The following CEP112 variants were observed in gnomAD, a reference collection of about 807,000 sequenced individuals.
The protein encoded by CEP112 is centrosomal protein 112.
CEP112 carries 127 observed loss-of-function variants against 153.0 expected under a neutral mutation model. The observed-to-expected ratio is 0.83, with a 90% CI of 0.72 to 0.96. The LOEUF is 0.96. Ranked by LOEUF, CEP112 falls within the 40% of genes least tolerant of loss-of-function variation. The pLI, the probability that CEP112 is intolerant of heterozygous loss-of-function variation, is 0.00. For synonymous variants in CEP112, 358 were observed against 374.4 expected, an observed-to-expected ratio of 0.96 and a Z score of 0.51; for missense variants, 1,089 against 1,101.2, an observed-to-expected ratio of 0.99 and a Z score of 0.16.
intron 20 of CEP112, among the ~76,000 whole-genome samples, chr17:65,859,813 C>A (rs995441029): frequency 2.0e-5 from 3 of 148,482 alleles, no homozygotes; most frequent in Non-Finnish European, 4.5e-5. Context: ...TTGAGACTAG[C>A]CTGGTCAACA....
chr17:66,071,497 T>A (rs2146093053), intron 8 of CEP112, among the ~76,000 whole-genome samples: 1 of 152,202 alleles, frequency 6.6e-6, no homozygotes. Context: ...TAACACCTTC[T>A]AGAGAACTTG....
intron 16 of CEP112, among the ~76,000 whole-genome samples, chr17:66,025,883 G>A (rs1489854140): frequency 7.0e-6 from 1 of 142,784 alleles, no homozygotes; most frequent in Non-Finnish European, 1.5e-5. Context: ...CAACTTAAGT[G>A]CCCATAAATG....
intron 8 of CEP112, among the ~76,000 whole-genome samples, chr17:66,087,844 A>G (rs1005454208): frequency 1.3e-5 from 2 of 152,084 alleles, no homozygotes; most frequent in Non-Finnish European, 2.9e-5. Context: ...GAGGGAAGAA[A>G]GGTGAGCACT....
At position 66,175,051 on chromosome 17, in the gene CEP112, C is replaced by A; in HGVS notation, c.463G>T (p.Val155Phe). 1 of 1,598,370 alleles carries A rather than the reference C, an allele frequency of 6.3e-7. No homozygotes were observed. Among genetic ancestry groups the A allele is most frequent in the Non-Finnish European group, 8.5e-7 (1 of 1,172,434 alleles). The change falls in exon 4 of 27, where the codon GTC (valine) becomes TTC (phenylalanine). Residue 155 changes from valine to phenylalanine, a missense_variant. Val to Phe is a conservative substitution (Grantham distance 50, BLOSUM62 -1). Transcript: ENST00000535342. Reference protein sequence around the residue: ...DNTLVQSPTDVYSREQYTGKL... With the variant: ...DNTLVQSPTDFYSREQYTGKL... ...CCCATTCTCTTTACATACCTGTAGA[C>A]ATCAGTTGGCGACTGTACTAAAGTG...
chr17:65,907,268 A>C (rs74004954), intron 19 of CEP112, among the ~76,000 whole-genome samples: 1,778 of 152,282 alleles, frequency 0.012, 36 homozygotes, highest in African/African-American at 0.04. Flanking sequence ...CTCATCAATG[A>C]TCATGCCCAT....
chr17:65,853,719 C>G (rs1197133271), intron 20 of CEP112, among the ~76,000 whole-genome samples: 2 of 122,886 alleles, frequency 1.6e-5, no homozygotes, highest in Non-Finnish European at 3.4e-5. Context: ...CAGAGCGAGA[C>G]TCCATCTAAA....
chr17:66,020,748 C>A (rs2064969206), intron 16 of CEP112, among the ~76,000 whole-genome samples: 1 of 152,190 alleles, frequency 6.6e-6, no homozygotes. Flanking sequence ...TTTAACTACT[C>A]TTTTACTTTC....
intron 16 of CEP112, among the ~76,000 whole-genome samples, chr17:66,027,207 T>G (rs2065250069): frequency 6.6e-6 from 1 of 152,034 alleles, no homozygotes; most frequent in African/African-American, 2.4e-5. Context: ...TGAAACTCCC[T>G]CTCCACTAAA....
At chr17:65,670,856 A>G (rs1402203828) in intron 24 of CEP112, among the ~76,000 whole-genome samples, 1 of 114,874 alleles carries the variant, frequency 8.7e-6, no homozygotes, top group Non-Finnish European at 1.6e-5. Flanking sequence ...CTGATCATGC[A>G]GTTGAATGCC....
chr17:66,132,560 T>C (rs2070236764), intron 5 of CEP112, 110 bp downstream of exon 5: 1 of 781,546 alleles, frequency 1.3e-6, no homozygotes, highest in Non-Finnish European at 2.2e-6. Context: ...TCATCCAACT[T>C]TATTCTGTTT....
rs1447369195 is a variant in CEP112 at position 65,954,418 on chromosome 17, G to GA, written c.1872+7044dup. 5.3e-5 allele frequency among the ~76,000 whole-genome samples: 8 copies of GA among 151,720 alleles called. No individual in the cohort carries two copies. In the East Asian group the frequency reaches 1.6e-3, roughly 29 times the overall value. On this transcript the variant is annotated intron_variant, in intron 18 of 26. Coordinates refer to ENST00000535342, the MANE Select transcript of CEP112 (RefSeq NM_001199165.4). ...AGTCTACCCAAATAAGAAGGAACCAGAAAAAAAATTCTGGTAATATGACAA... is the reference window on the plus strand; with the variant it reads ...AGTCTACCCAAATAAGAAGGAACCAGAAAAAAAAATTCTGGTAATATGACAA...
intron 21 of CEP112, among the ~76,000 whole-genome samples, chr17:65,768,381 G>A (rs1384282266): frequency 1.2e-4 from 18 of 152,014 alleles, no homozygotes; most frequent in Admixed American, 1.2e-3. Flanking sequence ...GGTGGCAGAG[G>A]CAGAAGAAAA....
intron 21 of CEP112, among the ~76,000 whole-genome samples, chr17:65,810,309 C>T (rs1430228509): frequency 6.6e-6 from 1 of 151,996 alleles, no homozygotes; most frequent in Non-Finnish European, 1.5e-5. Context: ...TCCCCACACA[C>T]ATTTCCTAGC....
At chr17:65,998,382 C>CAAAAAA (rs34117654) in intron 17 of CEP112, among the ~76,000 whole-genome samples, 2 of 70,020 alleles carry the variant, frequency 2.9e-5, no homozygotes, top group Non-Finnish European at 4.8e-5. Flanking sequence ...GGCCTCGTCT[C>CAAAAAA]AAAAAAAAAA....
intron 21 of CEP112, among the ~76,000 whole-genome samples, chr17:65,827,125 C>T (rs938765969): frequency 2.0e-5 from 3 of 152,234 alleles, no homozygotes; most frequent in Non-Finnish European, 4.4e-5. Flanking sequence ...TGGACTTAAA[C>T]CACTGGCTTG....
chr17:66,172,981 A>G (rs2072307738), intron 4 of CEP112, among the ~76,000 whole-genome samples: 1 of 151,910 alleles, frequency 6.6e-6, no homozygotes, highest in Non-Finnish European at 1.5e-5. Context: ...CTGGCCTCAC[A>G]CTCCTGGGCC....
intron 4 of CEP112, among the ~76,000 whole-genome samples, chr17:66,167,167 T>C (rs1255482927): frequency 6.6e-6 from 1 of 152,188 alleles, no homozygotes; most frequent in Non-Finnish European, 1.5e-5. Context: ...AAATGACTTT[T>C]AGTAACTGAA....
At chr17:65,841,725 C>T (rs1039149058) in intron 21 of CEP112, among the ~76,000 whole-genome samples, 2 of 151,996 alleles carry the variant, frequency 1.3e-5, no homozygotes, top group African/African-American at 4.8e-5. Context: ...GATCACAACA[C>T]TTTGCAAGAA....
intron 20 of CEP112, among the ~76,000 whole-genome samples, chr17:65,880,838 C>T (rs551769230): frequency 2.0e-5 from 3 of 152,098 alleles, no homozygotes; most frequent in South Asian, 4.1e-4. Flanking sequence ...TGTTCAACCT[C>T]GGGTCTTTAC....
Sources: gnomAD v4.1 joint callset for allele counts (sites outside exome capture counted in the v4.1 genomes callset) on GRCh38, gnomAD v4.1.1 for gene constraint, MANE v1.5 for transcripts, NCBI Gene and HGNC (gene_info 2026-07-23, HGNC 2026-07-21) for gene names.